GRID1: variants seen among roughly 807,000 people sequenced by gnomAD.
The protein encoded by GRID1 is glutamate ionotropic receptor delta type subunit 1.
A neutral mutation model predicts 98.0 loss-of-function variants in GRID1; 28 were observed. The observed-to-expected ratio is 0.29, with a 90% CI of 0.21 to 0.39. GRID1 has a LOEUF of 0.39. Among genes scored for constraint, GRID1 ranks in the 10% least tolerant of loss-of-function variants. GRID1 has a pLI of 1.00. For synonymous variants in GRID1, 553 were observed against 538.5 expected, an observed-to-expected ratio of 1.03 and a Z score of -0.37; for missense variants, 1,111 against 1,340.5, an observed-to-expected ratio of 0.83 and a Z score of 2.67.
chr10:86,097,264 A>T (rs889485284), intron 4 of GRID1, among the ~76,000 whole-genome samples: 19 of 152,202 alleles, frequency 1.2e-4, no homozygotes, highest in Non-Finnish European at 2.4e-4. Flanking sequence ...TATATAATAG[A>T]TGATAGATAG....
At position 86,360,697 on chromosome 10, in the gene GRID1, G is replaced by A. The variant is rs1489925242; in HGVS notation, c.235+3244C>T. Among the ~76,000 whole-genome samples the A allele has an allele frequency of 2.0e-5, 3 of 152,324 alleles. No homozygotes were observed. The East Asian group carries it at 5.8e-4, about 29-fold the overall frequency. ...ACAGAACACCCACCGCAGGCCTTAT[G>A]TAGATGATTTACACATGTCTCATCT... On this transcript the variant is annotated intron_variant, in intron 2 of 15. Transcript: ENST00000327946.
chr10:85,877,391 C>A (rs1466809637), intron 5 of GRID1, among the ~76,000 whole-genome samples: 1 of 152,206 alleles, frequency 6.6e-6, no homozygotes, highest in Non-Finnish European at 1.5e-5. Flanking sequence ...GCTGGGTACT[C>A]CTCTGAGACA....
intron 4 of GRID1, among the ~76,000 whole-genome samples, chr10:86,134,862 C>T (rs1055649344): frequency 6.6e-6 from 1 of 152,174 alleles, no homozygotes; most frequent in East Asian, 1.9e-4. Flanking sequence ...CGTGCTCTTA[C>T]AAGACTTGGC....
At chr10:86,238,923 T>G (rs1357540439) in intron 2 of GRID1, among the ~76,000 whole-genome samples, 1 of 152,168 alleles carries the variant, frequency 6.6e-6, no homozygotes, top group African/African-American at 2.4e-5. Context: ...AGAGAAAATG[T>G]GGAGTTGGAG....
chr10:86,031,411 G>A (rs534609378), intron 4 of GRID1, among the ~76,000 whole-genome samples: 15 of 152,200 alleles, frequency 9.9e-5, no homozygotes, highest in Admixed American at 2.0e-4. Flanking sequence ...ACTTCAAAAG[G>A]GGGGGCAGGA....
intron 8 of GRID1, among the ~76,000 whole-genome samples, chr10:85,792,350 G>T (rs752998264): frequency 6.6e-6 from 1 of 152,208 alleles, no homozygotes; most frequent in Non-Finnish European, 1.5e-5. Flanking sequence ...AGCACTTGGG[G>T]CCTCAAATAA....
intron 5 of GRID1, among the ~76,000 whole-genome samples, chr10:85,873,601 A>G (rs1420638197): frequency 6.6e-6 from 1 of 152,174 alleles, no homozygotes; most frequent in African/African-American, 2.4e-5. Flanking sequence ...TCCTTCTCAA[A>G]AGCTTACTCC....
chr10:85,623,797 A>G (rs1842882047), intron 13 of GRID1, among the ~76,000 whole-genome samples: 1 of 152,192 alleles, frequency 6.6e-6, no homozygotes. Context: ...GATCTTTCAC[A>G]TTAGGAAGCA....
intron 2 of GRID1, among the ~76,000 whole-genome samples, chr10:86,251,641 C>T (rs1379335682): frequency 1.3e-5 from 2 of 152,056 alleles, no homozygotes; most frequent in Non-Finnish European, 1.5e-5. Flanking sequence ...GGAAGGGAAG[C>T]TCAGAAGCTC....
chr10:85,699,583 A>C (rs1431566715), intron 12 of GRID1, among the ~76,000 whole-genome samples: 2 of 152,210 alleles, frequency 1.3e-5, no homozygotes, highest in Non-Finnish European at 2.9e-5. Context: ...ACGGTCATCT[A>C]AATTTTCAGT....
chr10:85,880,948 C>T (rs1840999448), intron 5 of GRID1, among the ~76,000 whole-genome samples: 1 of 152,106 alleles, frequency 6.6e-6, no homozygotes, highest in Non-Finnish European at 1.5e-5. Flanking sequence ...AATCAATGTA[C>T]AAAAATCACA....
intron 4 of GRID1, among the ~76,000 whole-genome samples, chr10:85,931,259 C>T (rs545363246): frequency 6.6e-6 from 1 of 152,238 alleles, no homozygotes; most frequent in South Asian, 2.1e-4. Context: ...TACCCCTCTA[C>T]CCAGTGCCTT....
chr10:86,075,784 G>A (rs1843872777), intron 4 of GRID1, among the ~76,000 whole-genome samples: 1 of 152,182 alleles, frequency 6.6e-6, no homozygotes, highest in Non-Finnish European at 1.5e-5. Context: ...TAGGCAAACA[G>A]AAAACACCAC....
chr10:86,228,410 C>T (rs1016277583), intron 2 of GRID1, among the ~76,000 whole-genome samples: 2 of 152,106 alleles, frequency 1.3e-5, no homozygotes, highest in African/African-American at 4.8e-5. Flanking sequence ...CACCCAACCA[C>T]AAAGGCACTT....
intron 8 of GRID1, among the ~76,000 whole-genome samples, chr10:85,824,354 GACTC>G (rs1447896814): frequency 1.3e-5 from 2 of 152,056 alleles, no homozygotes; most frequent in Non-Finnish European, 2.9e-5. Flanking sequence ...TGGGATTACA[GACTC>G]ACACCACCAC....
chr10:85,875,941 G>T (rs73342534), intron 5 of GRID1, among the ~76,000 whole-genome samples: 12,285 of 152,210 alleles, frequency 0.081, 610 homozygotes, highest in African/African-American at 0.13. Flanking sequence ...TGAAGTATAT[G>T]ATTGAGAATT....
At chr10:85,792,782 A>T (rs1357193818) in intron 8 of GRID1, among the ~76,000 whole-genome samples, 1 of 152,170 alleles carries the variant, frequency 6.6e-6, no homozygotes, top group Non-Finnish European at 1.5e-5. Flanking sequence ...TGACACCCAG[A>T]GTCCTGCAGG....
chr10:86,097,323 A>G (rs1180699877), intron 4 of GRID1, among the ~76,000 whole-genome samples: 1 of 152,232 alleles, frequency 6.6e-6, no homozygotes, highest in Non-Finnish European at 1.5e-5. Context: ...AAAACTGCTA[A>G]AACTTCAGTT....
intron 2 of GRID1, among the ~76,000 whole-genome samples, chr10:86,320,232 C>A (rs1847951285): frequency 6.6e-6 from 1 of 152,216 alleles, no homozygotes; most frequent in South Asian, 2.1e-4. Flanking sequence ...ATGGCAGAGT[C>A]TCCAGGAAGA....
Sources: gnomAD v4.1 joint callset for allele counts (sites outside exome capture counted in the v4.1 genomes callset) on GRCh38, gnomAD v4.1.1 for gene constraint, MANE v1.5 for transcripts, NCBI Gene and HGNC (gene_info 2026-07-23, HGNC 2026-07-21) for gene names.